The following NELL1 variants were observed in gnomAD, a reference collection of about 807,000 sequenced individuals.
The protein encoded by NELL1 is protein kinase C-binding protein NELL1.
Under a neutral mutation model 107.4 loss-of-function variants are expected in NELL1, and 76 were observed. The observed-to-expected ratio is 0.71, with a 90% confidence interval of 0.59 to 0.86. NELL1 has a LOEUF of 0.86. NELL1 is among the 40% of genes least tolerant of loss of function. The probability of loss-of-function intolerance (pLI) is 0.00; values close to 1 mark genes in which losing one functional copy is unlikely to be tolerated. For missense variants in NELL1, 1,024 were observed against 1,005.5 expected (o/e 1.02, Z -0.25); for synonymous variants, 353 against 341.2 (o/e 1.03, Z -0.38).
chr11:20,902,069 A>G (rs1849887002), intron 5 of NELL1, among the ~76,000 whole-genome samples: 1 of 152,110 alleles, frequency 6.6e-6, no homozygotes, highest in Non-Finnish European at 1.5e-5. Flanking sequence ...GGTTTAGAAG[A>G]CAACATAAGA....
intron 15 of NELL1, among the ~76,000 whole-genome samples, chr11:21,419,780 A>G (rs528096592): frequency 6.6e-6 from 1 of 152,304 alleles, no homozygotes; most frequent in Non-Finnish European, 1.5e-5. Context: ...TAAATTTGAA[A>G]TATGATAGAG....
Position 21,089,820 on chromosome 11 carries a change from T to C in NELL1, c.1301-23769T>C, listed in dbSNP as rs72948184. Among the ~76,000 whole-genome samples, 178 of 152,214 alleles carry C rather than the reference T, an allele frequency of 1.2e-3. 1 individual carries two copies. Among genetic ancestry groups the C allele is most frequent in the Non-Finnish European group, 2.3e-3 (153 of 67,998 alleles). On this transcript the variant is annotated intron_variant, in intron 12 of 19. Coordinates refer to ENST00000357134, the MANE Select transcript of NELL1 (RefSeq NM_006157.5). ...GATGGCTAGGGAGCAAGCTAGCCAT[T>C]TGGGGATATTTCAAAAGAGGAAGGA...
At chr11:21,357,793 C>A (rs1435381847) in intron 14 of NELL1, among the ~76,000 whole-genome samples, 1 of 152,140 alleles carries the variant, frequency 6.6e-6, no homozygotes, top group East Asian at 1.9e-4. Flanking sequence ...AGCTTTAAGT[C>A]TTTGATCCAT....
chr11:20,703,177 C>T (rs1164721483), intron 2 of NELL1, among the ~76,000 whole-genome samples: 7 of 152,246 alleles, frequency 4.6e-5, no homozygotes, highest in Non-Finnish European at 1.0e-4. Context: ...GCCTCAATTT[C>T]AGAGCCTGTT....
At chr11:20,807,849 T>A (rs926512849) in intron 3 of NELL1, among the ~76,000 whole-genome samples, 1 of 152,172 alleles carries the variant, frequency 6.6e-6, no homozygotes, top group African/African-American at 2.4e-5. Flanking sequence ...CCCATGGAAG[T>A]AGTGCCAGGC....
At chr11:21,110,391 C>T (rs897624626) in intron 12 of NELL1, among the ~76,000 whole-genome samples, 1 of 152,030 alleles carries the variant, frequency 6.6e-6, no homozygotes, top group Non-Finnish European at 1.5e-5. Flanking sequence ...CTAACCATCC[C>T]TTGTTTGATT....
intron 14 of NELL1, among the ~76,000 whole-genome samples, chr11:21,248,671 T>C (rs1341764459): frequency 2.0e-5 from 3 of 152,178 alleles, no homozygotes; most frequent in Non-Finnish European, 2.9e-5. Flanking sequence ...AGCGTTCTTT[T>C]ACCCTGCTGC....
Position 21,212,485 on chromosome 11 carries a change from A to G in NELL1, c.1427-16847A>G, listed in dbSNP as rs562354862. Among the ~76,000 whole-genome samples, 38 of 152,296 alleles carry G rather than the reference A, an allele frequency of 2.5e-4. 2 individuals are homozygous for G. The South Asian group carries it at 7.7e-3, about 31-fold the overall frequency. On this transcript the variant is annotated intron_variant, in intron 13 of 19. Transcript: ENST00000357134. The stretch of plus-strand genomic sequence containing the variant: ...TCTTACAACTAAAAATCGCCTGGAC[A>G]TAACCCTACTCCAATCCTGTGGCAA...
rs192737578 is a variant in NELL1, at chr11:20,832,511, T to C, written c.336-15072T>C. The stretch of plus-strand genomic sequence containing the variant: ...GAACCTAGCAAAGCACCTAGCAAAT[T>C]GTAGAGACTTAATATTTTTGAAATA... On this transcript the variant is annotated intron_variant, in intron 3 of 19. Transcript: ENST00000357134. 5.6e-4 allele frequency among the ~76,000 whole-genome samples: 85 copies of C among 152,310 alleles called. 1 individual carries two copies. The highest frequency in any genetic ancestry group is 3.4e-3 in the Middle Eastern group (1 of 294).
chr11:21,326,070 TTTTTTTTTTTTGG>T (rs1850128806), intron 14 of NELL1, among the ~76,000 whole-genome samples: 1 of 100,426 alleles, frequency 1.0e-5, no homozygotes, highest in Admixed American at 1.2e-4. Context: ...TTTTTTTTTT[TTTTTTTTTTTTGG>T]GCTATTTTGA....
At position 20,693,015 on chromosome 11, in the gene NELL1, G is replaced by T. The variant is rs556667630; in HGVS notation, c.184+14955G>T. ...TTTAGGATAGTTAGCTCTTCTTGTT[G>T]AATTGATCCCTTTACCATTATATAA... On this transcript the variant is annotated intron_variant, in intron 2 of 19. Transcript: ENST00000357134. 3.9e-3 allele frequency among the ~76,000 whole-genome samples: 599 copies of T among 152,102 alleles called. 1 individual carries two copies. The highest frequency in any genetic ancestry group is 6.5e-3 in the Non-Finnish European group (444 of 68,000).
chr11:21,169,788 G>T, intron 13 of NELL1: 10 of 1,325,074 alleles, frequency 7.5e-6, no homozygotes, highest in Non-Finnish European at 9.4e-6. Flanking sequence ...CTCCTGCCGG[G>T]CACCCGGAGA....
intron 14 of NELL1, among the ~76,000 whole-genome samples, chr11:21,285,367 C>A (rs563537539): frequency 6.6e-6 from 1 of 152,152 alleles, no homozygotes; most frequent in Non-Finnish European, 1.5e-5. Context: ...TGCAGAGAAG[C>A]CTGGCTTCTC....
At chr11:20,902,057 A>G (rs1366998) in intron 5 of NELL1, among the ~76,000 whole-genome samples, 58 of 152,218 alleles carry the variant, frequency 3.8e-4, no homozygotes, top group Non-Finnish European at 7.4e-4. Flanking sequence ...TCAATGTTGA[A>G]AGGTTTAGAA....
At chr11:21,337,841 CT>C (rs1850467253) in intron 14 of NELL1, among the ~76,000 whole-genome samples, 3 of 92,816 alleles carry the variant, frequency 3.2e-5, no homozygotes, top group African/African-American at 1.3e-4. Flanking sequence ...TCTTTCTTTT[CT>C]TTCTTTCTTT....
Position 20,710,280 on chromosome 11 carries a change from A to G in NELL1, c.184+32220A>G, listed in dbSNP as rs148196191. The stretch of plus-strand genomic sequence containing the variant: ...CATAAAGTGATGCTAGATTTTGTCA[A>G]ATGCTTTTTCTGCATGTATTCAGAT... On this transcript the variant is annotated intron_variant, in intron 2 of 19. Transcript: ENST00000357134. Among the ~76,000 whole-genome samples, 1,078 of 152,260 alleles carry G rather than the reference A, an allele frequency of 7.1e-3. 8 individuals are homozygous for G. The highest frequency in any genetic ancestry group is 0.025 in the African/African-American group (1,029 of 41,542).
intron 4 of NELL1, among the ~76,000 whole-genome samples, chr11:20,873,889 C>A (rs906358105): frequency 2.0e-5 from 3 of 151,980 alleles, no homozygotes; most frequent in Non-Finnish European, 2.9e-5. Context: ...TCAGCCTCCC[C>A]AGTAGCTTGG....
intron 14 of NELL1, among the ~76,000 whole-genome samples, chr11:21,269,734 C>A (rs1387666394): frequency 1.3e-5 from 2 of 151,934 alleles, no homozygotes; most frequent in African/African-American, 2.4e-5. Context: ...CATGGATCTA[C>A]ATAAAGAAAG....
chr11:20,777,357 G>A (rs1217168354), intron 2 of NELL1, among the ~76,000 whole-genome samples: 10 of 152,174 alleles, frequency 6.6e-5, no homozygotes, highest in African/African-American at 1.2e-4. Context: ...CTCTCATTCC[G>A]GCTTCTGGAA....
Sources: allele counts gnomAD v4.1 joint callset (sites outside exome capture counted in the v4.1 genomes callset), GRCh38; gene constraint gnomAD v4.1.1; transcripts MANE v1.5; gene names NCBI Gene and HGNC (gene_info 2026-07-23, HGNC 2026-07-21).